Variants in FBN1 observed in about 807,000 individuals in gnomAD.
FBN1 encodes the protein fibrillin 1.
Under a neutral mutation model 365.1 loss-of-function variants are expected in FBN1, and 29 were observed. That is an observed-to-expected ratio of 0.08 (90% confidence interval 0.06 to 0.11). The LOEUF is 0.11. Ranked by LOEUF, FBN1 falls within the 10% of genes least tolerant of loss-of-function variation. The pLI, the probability that FBN1 is intolerant of heterozygous loss-of-function variation, is 1.00. For synonymous variants in FBN1, 1,210 were observed against 1,270.5 expected (o/e 0.95, Z 1.01); for missense variants, 2,476 against 3,703.2 (o/e 0.67, Z 8.60).
intron 5 of FBN1, 152 bp from the exon 6 acceptor site, chr15:48,596,530 T>C (rs1838238712): frequency 5.5e-6 from 4 of 726,796 alleles, no homozygotes; most frequent in Non-Finnish European, 9.7e-6. Context: ...CATACTCAGA[T>C]ATTCCTCAGT....
chr15:48,423,179 T>C (rs1401126429), intron 60 of FBN1, among the ~76,000 whole-genome samples: 1 of 152,204 alleles, frequency 6.6e-6, no homozygotes, highest in Non-Finnish European at 1.5e-5. Flanking sequence ...TTTAAAATTG[T>C]CGCATATTCA....
At chr15:48,455,874 A>G (rs2043234385) in intron 44 of FBN1, among the ~76,000 whole-genome samples, 1 of 152,200 alleles carries the variant, frequency 6.6e-6, no homozygotes. Flanking sequence ...CATATGTGCT[A>G]TAATACGTGC....
intron 63 of FBN1, 120 bp from the exon 64 acceptor site, chr15:48,415,887 A>G: frequency 1.2e-6 from 1 of 802,910 alleles, no homozygotes; most frequent in Non-Finnish European, 2.1e-6. Context: ...GGAAGGTAAG[A>G]CAGGCAGAGG....
intron 6 of FBN1, among the ~76,000 whole-genome samples, chr15:48,578,773 G>A (rs202165186): frequency 0.033 from 3,413 of 102,014 alleles, no homozygotes; most frequent in Non-Finnish European, 0.035. Flanking sequence ...ACCAAACACC[G>A]CATATTCTCA....
Position 48,472,605 on chromosome 15 carries a change from G to T in FBN1, c.4282C>A (p.Arg1428Ser). The change falls in exon 35 of 66, where the codon CGC becomes AGC. Residue 1428 changes from arginine (R) to serine (S), a missense_variant. Arg to Ser is a moderately radical substitution (Grantham distance 110). Coordinates refer to ENST00000316623, the MANE Select transcript of FBN1 (RefSeq NM_000138.5). ...GQCLNAPGGY[R>S]CECDMGFVPS... The stretch of plus-strand genomic sequence containing the variant: ...ACGAAGCCCATGTCGCATTCACAGC[G>T]GTATCCTCCTGGTGCATTGAGGCAC... 1.2e-6 allele frequency: 2 copies of T among 1,614,132 alleles called. No individual in the cohort carries two copies. The highest frequency in any genetic ancestry group is 1.7e-6 in the Non-Finnish European group (2 of 1,180,028).
intron 6 of FBN1, among the ~76,000 whole-genome samples, chr15:48,546,779 T>C (rs968977721): frequency 3.3e-5 from 5 of 151,944 alleles, no homozygotes; most frequent in Non-Finnish European, 5.9e-5. Flanking sequence ...AGTGGTGGCA[T>C]AGAAAGGGTG....
chr15:48,468,645 T>G, intron 36 of FBN1, 111 bp from the exon 37 acceptor site: 17 of 1,010,530 alleles, frequency 1.7e-5, no homozygotes, highest in Non-Finnish European at 2.4e-5. Context: ...TTAAAGCTAC[T>G]AGTTATAACT....
At chr15:48,498,910 A>G (rs2043632012) in intron 18 of FBN1, 75 bp downstream of exon 18, 5 of 1,403,238 alleles carry the variant, frequency 3.6e-6, no homozygotes, top group Admixed American at 1.7e-5. Flanking sequence ...AAAGGGATCA[A>G]CTGGAAACCC....
intron 6 of FBN1, among the ~76,000 whole-genome samples, chr15:48,545,818 TCAAGACC>T (rs1308773135): frequency 6.6e-6 from 1 of 151,984 alleles, no homozygotes; most frequent in African/African-American, 2.4e-5. Context: ...GCCCAGGAGT[TCAAGACC>T]AGCTTAGGCA....
intron 22 of FBN1, among the ~76,000 whole-genome samples, chr15:48,494,773 T>A (rs571471164): frequency 1.2e-3 from 187 of 152,314 alleles, no homozygotes; most frequent in Non-Finnish European, 2.0e-3. Context: ...TGAAGTTTAG[T>A]CATGAATACC....
chr15:48,550,302 G>A (rs1251221662), intron 6 of FBN1, among the ~76,000 whole-genome samples: 1 of 152,146 alleles, frequency 6.6e-6, no homozygotes, highest in East Asian at 1.9e-4. Flanking sequence ...ATGTCTGATA[G>A]AAGCTTGTTT....
At chr15:48,638,149 C>G (rs1369758046) in intron 2 of FBN1, among the ~76,000 whole-genome samples, 1 of 152,012 alleles carries the variant, frequency 6.6e-6, no homozygotes, top group Non-Finnish European at 1.5e-5. Context: ...ATCCTCCTGC[C>G]TCAGCCTCCC....
At chr15:48,575,777 A>G (rs369233799) in intron 6 of FBN1, among the ~76,000 whole-genome samples, 7 of 150,508 alleles carry the variant, frequency 4.7e-5, no homozygotes, top group African/African-American at 1.7e-4. Context: ...TCATCAATGG[A>G]GGGCTGGATA....
chr15:48,548,429 T>G (rs755723646), intron 6 of FBN1, among the ~76,000 whole-genome samples: 1 of 152,236 alleles, frequency 6.6e-6, no homozygotes, highest in African/African-American at 2.4e-5. Flanking sequence ...CATGGGCAGA[T>G]AGGCCACTCT....
intron 4 of FBN1, among the ~76,000 whole-genome samples, chr15:48,601,219 A>T (rs191602609): frequency 6.6e-5 from 10 of 152,334 alleles, no homozygotes; most frequent in African/African-American, 2.2e-4. Context: ...AAAGACAGCC[A>T]CGGGCTCATA....
chr15:48,483,997 A>G, intron 30 of FBN1, 54 bp from the exon 31 acceptor site: 1 of 1,595,448 alleles, frequency 6.3e-7, no homozygotes, highest in Non-Finnish European at 8.5e-7. Flanking sequence ...TCCACTGTTC[A>G]GTGAGAAAAC....
Position 48,481,735 on chromosome 15 carries a change from G to A in FBN1, c.3884C>T (p.Thr1295Ile). 2 of 1,613,556 alleles carry A rather than the reference G, an allele frequency of 1.2e-6. No homozygotes were observed. Among genetic ancestry groups the A allele is most frequent in the Non-Finnish European group, 1.7e-6 (2 of 1,179,652 alleles). ...DLNPNICLSG[T>I]CENTKGSFIC... ...AAATGAGCCTTTCGTGTTTTCACAG[G>A]TCCCACTTAGGCAGATATTTGGATT... is the stretch of plus-strand genomic sequence containing the variant. The change falls in exon 32 of 66, where the codon ACC becomes ATC. Residue 1295 changes from threonine (T) to isoleucine (I), a missense_variant. Physicochemically the swap from Thr to Ile is moderately conservative, Grantham distance 89. Transcript: ENST00000316623.
intron 2 of FBN1, among the ~76,000 whole-genome samples, chr15:48,636,972 C>T (rs905203918): frequency 6.6e-6 from 1 of 152,192 alleles, no homozygotes; most frequent in African/African-American, 2.4e-5. Flanking sequence ...AGGGCCTAGG[C>T]CTGATCTCGT....
At chr15:48,591,877 T>G (rs1456016238) in intron 6 of FBN1, among the ~76,000 whole-genome samples, 1 of 152,172 alleles carries the variant, frequency 6.6e-6, no homozygotes, top group Non-Finnish European at 1.5e-5. Flanking sequence ...TGCACAGGCT[T>G]AGGAGCCAGA....
Sources: allele counts gnomAD v4.1 joint callset (sites outside exome capture counted in the v4.1 genomes callset), GRCh38; gene constraint gnomAD v4.1.1; transcripts MANE v1.5; gene names NCBI Gene and HGNC (gene_info 2026-07-23, HGNC 2026-07-21).